Variants in CTNNA2 observed in about 807,000 individuals in gnomAD.
The protein encoded by CTNNA2 is catenin alpha 2.
Under a neutral mutation model 101.0 loss-of-function variants are expected in CTNNA2, and 42 were observed. The ratio of observed to expected loss-of-function variants is 0.42; its 90% CI spans 0.32 to 0.54. CTNNA2 has a LOEUF of 0.54. CTNNA2 is among the 20% of genes least tolerant of loss of function. The probability of loss-of-function intolerance (pLI) is 0.14; values close to 1 mark genes in which losing one functional copy is unlikely to be tolerated. For missense variants in CTNNA2, 871 were observed against 1,223.1 expected, an observed-to-expected ratio of 0.71 and a Z score of 4.29; for synonymous variants, 450 against 456.4, an observed-to-expected ratio of 0.99 and a Z score of 0.18.
At chr2:79,217,129 G>A (rs939495526) in intron 2 of CTNNA2, among the ~76,000 whole-genome samples, 1 of 152,248 alleles carries the variant, frequency 6.6e-6, no homozygotes, top group South Asian at 2.1e-4. Flanking sequence ...AGTGAGAGAG[G>A]TTGGAGAAGA....
chr2:79,929,639 C>T (rs568895446), intron 7 of CTNNA2, among the ~76,000 whole-genome samples: 12 of 152,306 alleles, frequency 7.9e-5, no homozygotes, highest in African/African-American at 2.4e-4. Flanking sequence ...ATTTTCTAGA[C>T]ATGCATCTGT....
At chr2:79,936,806 G>A (rs1427313918) in intron 7 of CTNNA2, among the ~76,000 whole-genome samples, 5 of 152,088 alleles carry the variant, frequency 3.3e-5, no homozygotes, top group Non-Finnish European at 5.9e-5. Context: ...TTAGATACCA[G>A]GATTTAGAGG....
chr2:80,290,814 G>A (rs1479262674), intron 7 of CTNNA2, among the ~76,000 whole-genome samples: 1 of 152,044 alleles, frequency 6.6e-6, no homozygotes, highest in African/African-American at 2.4e-5. Flanking sequence ...AAAAAGAAAA[G>A]AAGGAAGGAA....
rs79744578 is a variant in CTNNA2, at chr2:80,438,465, G to A, written c.1290+18864G>A. ...TTTTGTTTTTGAGAGAAGGGAAGCA[G>A]AAATACTTTCATTTGTTTTGAAGGC... On this transcript the variant is annotated intron_variant, in intron 9 of 18. Transcript: ENST00000402739. Among the ~76,000 whole-genome samples, 1,469 of 151,896 alleles carry A rather than the reference G, an allele frequency of 9.7e-3. 32 individuals are homozygous for A. Among genetic ancestry groups the A allele is most frequent in the African/African-American group, 0.033 (1,369 of 41,388 alleles).
chr2:80,589,272 C>T (rs1558620244), intron 14 of CTNNA2, 32 bp from the exon 15 acceptor site: 6 of 1,608,264 alleles, frequency 3.7e-6, no homozygotes, highest in Admixed American at 3.3e-5. Flanking sequence ...CCTTTGTCAC[C>T]GTCACTCACG....
At chr2:80,266,728 G>A (rs1263871958) in intron 7 of CTNNA2, among the ~76,000 whole-genome samples, 1 of 152,162 alleles carries the variant, frequency 6.6e-6, no homozygotes, top group Non-Finnish European at 1.5e-5. Context: ...TTGTGAAGTT[G>A]TCAGTACTGA....
intron 7 of CTNNA2, among the ~76,000 whole-genome samples, chr2:80,081,021 G>A (rs2148802766): frequency 6.7e-6 from 1 of 149,830 alleles, no homozygotes; most frequent in Non-Finnish European, 1.5e-5. Context: ...TATACGTGTG[G>A]AACCAGTTAT....
intron 7 of CTNNA2, among the ~76,000 whole-genome samples, chr2:80,190,803 A>G (rs944476081): frequency 6.6e-6 from 1 of 152,150 alleles, no homozygotes; most frequent in African/African-American, 2.4e-5. Context: ...TTAGAATGCC[A>G]TCTCTTATGG....
chr2:79,244,705 G>A (rs1221353117), intron 2 of CTNNA2, among the ~76,000 whole-genome samples: 2 of 152,210 alleles, frequency 1.3e-5, no homozygotes, highest in African/African-American at 4.8e-5. Flanking sequence ...GTCTCTTGCA[G>A]CTATAGCAGA....
chr2:80,020,853 C>T lies in CTNNA2; in HGVS notation c.1056+111056C>T, dbSNP rs116819172. Among the ~76,000 whole-genome samples, 463 of 152,144 alleles carry T rather than the reference C, an allele frequency of 3.0e-3. 2 individuals carry two copies. The highest frequency in any genetic ancestry group is 0.01 in the African/African-American group (434 of 41,498). On this transcript the variant is annotated intron_variant, in intron 7 of 18. Coordinates refer to ENST00000402739, the MANE Select transcript of CTNNA2 (RefSeq NM_001282597.3). ...GCATGAACACAAAGTTTTCCTTAGT[C>T]TATGAACTTTGTTTTGACTTGCTAT... is the stretch of plus-strand genomic sequence containing the variant.
chr2:80,073,436 T>A (rs1202320455), intron 7 of CTNNA2, among the ~76,000 whole-genome samples: 2 of 152,136 alleles, frequency 1.3e-5, no homozygotes, highest in Admixed American at 1.3e-4. Flanking sequence ...TGTGTCTGAG[T>A]GCTCAGAAGG....
intron 7 of CTNNA2, among the ~76,000 whole-genome samples, chr2:80,348,884 C>T (rs1000723378): frequency 2.0e-5 from 3 of 152,074 alleles, no homozygotes; most frequent in Non-Finnish European, 4.4e-5. Context: ...AGATGCTTCA[C>T]TAAGAGCTGC....
At chr2:79,716,576 G>A (rs536392652) in intron 2 of CTNNA2, among the ~76,000 whole-genome samples, 1 of 152,294 alleles carries the variant, frequency 6.6e-6, no homozygotes, top group East Asian at 1.9e-4. Flanking sequence ...TTCTGTTCCT[G>A]CATTAGTTTG....
rs535616879 is a variant in CTNNA2, at chr2:80,648,624, T to G, written c.*752T>G. On this transcript the variant is annotated 3_prime_UTR_variant, in exon 19 of 19. Coordinates refer to ENST00000402739, the MANE Select transcript of CTNNA2 (RefSeq NM_001282597.3). ...TTCTTTTTAATTTGAACCATGATTT[T>G]GCTAGAAATAGAAGGCCCAGTGGTG... 1.2e-4 allele frequency: 19 copies of G among 152,504 alleles called. No homozygotes were observed. The highest frequency in any genetic ancestry group is 4.6e-4 in the African/African-American group (19 of 41,558). The allele number at this position is 152,504 out of a possible 1,614,324, so 9.4% of individuals were successfully genotyped here.
intron 9 of CTNNA2, among the ~76,000 whole-genome samples, chr2:80,475,561 A>G (rs1685664297): frequency 6.6e-6 from 1 of 152,176 alleles, no homozygotes; most frequent in African/African-American, 2.4e-5. Context: ...GAAATCTGCT[A>G]TTCTGTCACC....
At chr2:80,079,828 T>TAATAAAATAAAATAAAATA (rs1699007813) in intron 7 of CTNNA2, among the ~76,000 whole-genome samples, 2 of 120,088 alleles carry the variant, frequency 1.7e-5, no homozygotes, top group Non-Finnish European at 3.5e-5. Context: ...TAAAATAAAA[T>TAATAAAATAAAATAAAATA]AAATAAAATA....
chr2:79,755,681 A>G (rs1341876955), intron 3 of CTNNA2, among the ~76,000 whole-genome samples: 3 of 152,228 alleles, frequency 2.0e-5, no homozygotes, highest in African/African-American at 7.2e-5. Context: ...TTATTACTAG[A>G]TAGCACCCCA....
chr2:80,439,900 A>T (rs1682406487), intron 9 of CTNNA2, among the ~76,000 whole-genome samples: 1 of 152,244 alleles, frequency 6.6e-6, no homozygotes, highest in African/African-American at 2.4e-5. Flanking sequence ...ACTATGTGCC[A>T]ATAGTATTCT....
chr2:80,573,155 C>T (rs766505526), intron 12 of CTNNA2: 2 of 152,222 alleles, frequency 1.3e-5, no homozygotes, highest in African/African-American at 2.4e-5. Flanking sequence ...GTAAATAAAA[C>T]GAATATGCTT....
Sources: allele counts gnomAD v4.1 joint callset (sites outside exome capture counted in the v4.1 genomes callset), GRCh38; gene constraint gnomAD v4.1.1; transcripts MANE v1.5; gene names NCBI Gene and HGNC (gene_info 2026-07-23, HGNC 2026-07-21).